Variants in WRNIP1 observed in about 807,000 individuals in gnomAD.
The protein encoded by WRNIP1 is WRN helicase interacting protein 1, also known as ATPase WRNIP1.
Under a neutral mutation model 56.1 loss-of-function variants are expected in WRNIP1, and 41 were observed. That is an observed-to-expected ratio of 0.73 (90% CI 0.57 to 0.95). WRNIP1 has a LOEUF of 0.95. Among genes scored for constraint, WRNIP1 ranks in the 40% least tolerant of loss-of-function variants. The pLI, the probability that WRNIP1 is intolerant of heterozygous loss-of-function variation, is 0.00. For synonymous variants in WRNIP1, 547 were observed against 398.1 expected, an observed-to-expected ratio of 1.37 and a Z score of -4.45; for missense variants, 1,170 against 939.4, an observed-to-expected ratio of 1.25 and a Z score of -3.21.
Position 2,785,411 on chromosome 6 carries a change from G to A in WRNIP1, c.*129G>A, listed in dbSNP as rs1047649314. 9.4e-7 allele frequency: 1 copy of A among 1,066,166 alleles called. No individual in the cohort carries two copies. Among genetic ancestry groups the A allele is most frequent in the Admixed American group, 2.7e-5 (1 of 37,678 alleles). The allele number at this position is 1,066,166 out of a possible 1,614,324, so 66.0% of individuals were successfully genotyped here. Reference sequence around the variant, plus strand: ...CCAACATTTTGTGCCAGAAATTTAAGAGTTCCATAGGTGGAGGCGCAGTTC... The same window carrying A: ...CCAACATTTTGTGCCAGAAATTTAAAAGTTCCATAGGTGGAGGCGCAGTTC... On this transcript the variant is annotated 3_prime_UTR_variant, in exon 7 of 7. Transcript: ENST00000380773.
At chr6:2,773,521 G>A (rs3757086) in intron 3 of WRNIP1, 153,133 of 985,174 alleles carry the variant, frequency 0.16, 12,482 homozygotes, top group East Asian at 0.32. Flanking sequence ...TGGCTAAGCA[G>A]TAGTGTTCAG....
At position 2,784,362 on chromosome 6, in the gene WRNIP1, G is replaced by A. The variant is rs776199684; in HGVS notation, c.1681G>A (p.Ala561Thr). 9.3e-6 allele frequency: 15 copies of A among 1,614,026 alleles called. No individual in the cohort carries two copies. The highest frequency in any genetic ancestry group is 2.2e-5 in the East Asian group (1 of 44,896). The change falls in exon 6 of 7, where the codon GCC becomes ACC. Residue 561 changes from alanine to threonine, a missense_variant. Ala to Thr is a moderately conservative substitution (Grantham distance 58). Transcript: ENST00000380773. Reference protein sequence around the residue: ...DPSALTQAVAAYQGCHFIGMP... With the variant: ...DPSALTQAVATYQGCHFIGMP... ...GTCTGCGTTAACACAAGCGGTTGCT[G>A]CCTACCAAGGCTGTCATTTTATAGG...
At chr6:2,778,342 G>A (rs1765478890) in intron 3 of WRNIP1, among the ~76,000 whole-genome samples, 1 of 152,192 alleles carries the variant, frequency 6.6e-6, no homozygotes, top group Non-Finnish European at 1.5e-5. Flanking sequence ...TCACAAATGT[G>A]CAGCTAGCAG....
rs1020820249 is a variant in WRNIP1, at chr6:2,766,000, C to T, written c.378C>T (p.Phe126=). ...TPSGARLIPD[F]PVARSSSPGR... is the part of the protein sequence containing the mutation. ...GCGGCGCCCGCCTTATCCCCGACTT[C>T]CCGGTGGCCCGCTCCAGCAGCCCCG... Residue 126 remains phenylalanine (F), a synonymous_variant, in exon 1 of 7, where the codon TTC becomes TTT. Coordinates refer to ENST00000380773, the MANE Select transcript of WRNIP1 (RefSeq NM_020135.3). 1.1e-5 allele frequency: 15 copies of T among 1,360,942 alleles called. No individual in the cohort carries two copies. Among genetic ancestry groups the T allele is most frequent in the Admixed American group, 9.4e-5 (3 of 31,988 alleles). The allele number at this position is 1,360,942 out of a possible 1,614,324, so 84.3% of individuals were successfully genotyped here.
At chr6:2,783,248 C>T (rs996109995) in intron 4 of WRNIP1, among the ~76,000 whole-genome samples, 158 bp from the exon 5 acceptor site, 2 of 152,200 alleles carry the variant, frequency 1.3e-5, no homozygotes, top group South Asian at 2.1e-4. Flanking sequence ...CTGGTGCACC[C>T]CACTCAGAGC....
intron 4 of WRNIP1, among the ~76,000 whole-genome samples, chr6:2,783,080 T>TCCC (rs11378197): frequency 6.6e-6 from 1 of 152,062 alleles, no homozygotes; most frequent in Non-Finnish European, 1.5e-5. Context: ...AGAAGACTCG[T>TCCC]CCCCCTCCAC....
chr6:2,783,448 T>G lies in WRNIP1; in HGVS notation c.1529T>G (p.Met510Arg). The stretch of plus-strand genomic sequence containing the variant: ...TGCATCTCCGCCCTGCACAAGTCCA[T>G]GCGGGGCTCAGACCAGAACGCCTCC... ...YNCISALHKS[M>R]RGSDQNASLY... The change falls in exon 5 of 7, where the codon ATG becomes AGG. Residue 510 changes from methionine (M) to arginine (R), a missense_variant. Physicochemically the swap from Met to Arg is moderately conservative, Grantham distance 91. Transcript: ENST00000380773. The G allele has an allele frequency of 6.2e-7, 1 of 1,613,422 alleles. No individual in the cohort carries two copies. Among genetic ancestry groups the G allele is most frequent in the Non-Finnish European group, 8.5e-7 (1 of 1,179,660 alleles).
Position 2,765,628 on chromosome 6 carries a change from G to A in WRNIP1, c.6G>A (p.Glu2=), listed in dbSNP as rs761806004. M[E]VSGPEDDPFL... is the part of the protein sequence containing the mutation. ...CGGGGAGGGCGGCGGCCGCCATGGA[G>A]GTGAGCGGGCCGGAAGACGACCCCT... is the stretch of plus-strand genomic sequence containing the variant. The change falls in exon 1 of 7, where the codon GAG becomes GAA. Residue 2 remains glutamate, a synonymous_variant. Transcript: ENST00000380773. 1.3e-6 allele frequency: 2 copies of A among 1,533,964 alleles called. No individual in the cohort carries two copies. The highest frequency in any genetic ancestry group is 2.9e-5 in the African/African-American group (2 of 69,924).
intron 3 of WRNIP1, chr6:2,774,410 C>A: frequency 2.8e-6 from 1 of 353,952 alleles, no homozygotes; most frequent in Non-Finnish European, 4.0e-6. Context: ...TCTGATGGCC[C>A]TTGGCATTCC....
rs371880929 is a variant in WRNIP1 at position 2,765,812 on chromosome 6, C to T, written c.190C>T (p.Pro64Ser). 6 of 1,354,678 alleles carry T rather than the reference C, an allele frequency of 4.4e-6. No homozygotes were observed. Among genetic ancestry groups the T allele is most frequent in the Middle Eastern group, 2.7e-4 (1 of 3,690 alleles). 83.9% of individuals were successfully genotyped at this position (1,354,678 alleles called of 1,614,324 possible). A position where few individuals can be genotyped will look rare whatever the true frequency, so the allele number is the denominator to read the frequency against. The change falls in exon 1 of 7, where the codon CCC (proline) becomes TCC (serine). Residue 64 changes from proline (P) to serine (S), a missense_variant. Coordinates refer to ENST00000380773, the MANE Select transcript of WRNIP1 (RefSeq NM_020135.3). ...SHRAGERAKG[P>S]SPPGAKRRRL... Reference sequence around the variant, plus strand: ...CCGCGCCGGGGAGCGGGCCAAGGGGCCCTCGCCGCCCGGCGCCAAGAGGCG... The same window carrying T: ...CCGCGCCGGGGAGCGGGCCAAGGGGTCCTCGCCGCCCGGCGCCAAGAGGCG...
Position 2,766,233 on chromosome 6 carries a change from G to T in WRNIP1, c.611G>T (p.Gly204Val), listed in dbSNP as rs1452107848. The change falls in exon 1 of 7, where the codon GGC becomes GTC. Residue 204 changes from glycine to valine, a missense_variant. Gly to Val is a moderately radical substitution (Grantham distance 109, BLOSUM62 -3). Transcript: ENST00000380773. Reference sequence around the variant, plus strand: ...GCCGCCACCGCCTTCGGGGCCAGTGGCGGGGGCCGCCCGCACCCCCGGGCG... The same window carrying T: ...GCCGCCACCGCCTTCGGGGCCAGTGTCGGGGGCCGCCCGCACCCCCGGGCG... ...AEAATAFGAS[G>V]GGRPHPRALA... 11 of 1,467,546 alleles carry T rather than the reference G, an allele frequency of 7.5e-6. No homozygotes were observed. Among genetic ancestry groups the T allele is most frequent in the South Asian group, 2.9e-5 (2 of 69,448 alleles). 90.9% of individuals were successfully genotyped at this position (1,467,546 alleles called of 1,614,324 possible). A position where few individuals can be genotyped will look rare whatever the true frequency, so the allele number is the denominator to read the frequency against.
At chr6:2,779,671 C>G (rs540914467) in intron 4 of WRNIP1, among the ~76,000 whole-genome samples, 179 bp downstream of exon 4, 7 of 152,130 alleles carry the variant, frequency 4.6e-5, no homozygotes, top group Admixed American at 1.3e-4. Context: ...CTGACCTTTC[C>G]GAAGAGAGGC....
chr6:2,779,507 T>C lies in WRNIP1; in HGVS notation c.1486+15T>C, dbSNP rs1407710977. The C allele has an allele frequency of 1.9e-6, 3 of 1,607,574 alleles. No individual in the cohort carries two copies. The highest frequency in any genetic ancestry group is 2.6e-6 in the Non-Finnish European group (3 of 1,176,356). On this transcript the variant is annotated intron_variant, in intron 4 of 6. Transcript: ENST00000380773. ...TGACCGGGCAGGTAAGTAATTCACC[T>C]GTGGAAAGAGTGAAACCATACGGAA...
rs575241882 is a variant in WRNIP1 at position 2,779,652 on chromosome 6, T to A, written c.1486+160T>A. ...ATCTGCATGTTGGTATTAAGCCTTCTACACAGGGCTGACCTTTCCGAAGAG... is the reference window on the plus strand; with the variant it reads ...ATCTGCATGTTGGTATTAAGCCTTCAACACAGGGCTGACCTTTCCGAAGAG... On this transcript the variant is annotated intron_variant, in intron 4 of 6. Transcript: ENST00000380773. Among the ~76,000 whole-genome samples, 4 of 152,344 alleles carry A rather than the reference T, an allele frequency of 2.6e-5. No individual in the cohort carries two copies. In the East Asian group the frequency reaches 5.8e-4, roughly 22 times the overall value.
intron 5 of WRNIP1, 112 bp downstream of exon 5, chr6:2,783,673 G>GCCGCCC: frequency 4.9e-6 from 2 of 404,230 alleles, no homozygotes; most frequent in Non-Finnish European, 8.8e-6. Flanking sequence ...GGTGGGCGGG[G>GCCGCCC]GTAGCAGGAA....
chr6:2,783,653 T>TTTTTTTTTTTTGGG, intron 5 of WRNIP1, 92 bp downstream of exon 5: 7 of 120,100 alleles, frequency 5.8e-5, no homozygotes, highest in African/African-American at 1.8e-4. Context: ...TTTTTTTTTT[T>TTTTTTTTTTTTGGG]GCAGGGCGGG....
At position 2,779,470 on chromosome 6, in the gene WRNIP1, C is replaced by G. The variant is rs138780534; in HGVS notation, c.1464C>G (p.Ser488=). 4.3e-5 allele frequency: 70 copies of G among 1,613,798 alleles called. No homozygotes were observed. In the African/African-American group the frequency reaches 5.9e-4, roughly 14 times the overall value. The part of the protein sequence containing the change: ...ENDVKEGLQR[S]HILYDRAGEE... ...ACGTGAAGGAGGGCCTACAGCGATC[C>G]CACATTTTATATGACCGGGCAGGTA... The change falls in exon 4 of 7, where the codon TCC becomes TCG. Residue 488 remains serine, a synonymous_variant. Transcript: ENST00000380773.
chr6:2,783,080 T>TC (rs11378197), intron 4 of WRNIP1, among the ~76,000 whole-genome samples: 142,157 of 152,146 alleles, frequency 0.93, 66,830 homozygotes, highest in Non-Finnish European at 0.99. Context: ...AGAAGACTCG[T>TC]CCCCCTCCAC....
intron 1 of WRNIP1, among the ~76,000 whole-genome samples, chr6:2,767,466 C>G (rs1261650172): frequency 6.6e-6 from 1 of 152,218 alleles, no homozygotes; most frequent in Non-Finnish European, 1.5e-5. Flanking sequence ...AGCACACCCC[C>G]TTTAACTCCA....
Sources: allele counts gnomAD v4.1 joint callset (sites outside exome capture counted in the v4.1 genomes callset), GRCh38; gene constraint gnomAD v4.1.1; transcripts MANE v1.5; gene names NCBI Gene and HGNC (gene_info 2026-07-23, HGNC 2026-07-21).